The following PITRM1 variants were observed in gnomAD, a reference collection of about 807,000 sequenced individuals.
PITRM1 encodes presequence protease, mitochondrial.
In PITRM1, 100 loss-of-function variants were observed where a neutral mutation model predicts 129.9. The observed-to-expected ratio is 0.77, with a 90% CI of 0.65 to 0.91. The LOEUF (loss-of-function observed/expected upper bound fraction) is 0.91. Among genes scored for constraint, PITRM1 ranks in the 40% least tolerant of loss-of-function variants. The probability of loss-of-function intolerance (pLI) is 0.00; values close to 1 mark genes in which losing one functional copy is unlikely to be tolerated. For missense variants in PITRM1, 1,471 were observed against 1,318.3 expected, an observed-to-expected ratio of 1.12 and a Z score of -1.79; for synonymous variants, 591 against 508.8, an observed-to-expected ratio of 1.16 and a Z score of -2.17.
At chr10:3,172,667 T>C (rs979800624) in intron 1 of PITRM1, 50 bp downstream of exon 1, 1 of 1,503,798 alleles carries the variant, frequency 6.6e-7, no homozygotes, top group South Asian at 1.3e-5. Flanking sequence ...CCCTGGACCC[T>C]CCCCTCCCGG....
chr10:3,138,603 CAG>C (rs1839841847), intron 25 of PITRM1: 15 of 603,842 alleles, frequency 2.5e-5, no homozygotes, highest in South Asian at 2.4e-4. Flanking sequence ...AAAGCGGCTC[CAG>C]AGAGTAACGT....
Position 3,151,229 on chromosome 10 carries a change from C to T in PITRM1, c.1738+18G>A, listed in dbSNP as rs372017792. 57 of 1,355,580 alleles carry T rather than the reference C, an allele frequency of 4.2e-5. No individual in the cohort carries two copies. The highest frequency in any genetic ancestry group is 3.6e-4 in the Middle Eastern group (2 of 5,606). The allele number at this position is 1,355,580 out of a possible 1,614,324, so 84.0% of individuals were successfully genotyped here. On this transcript the variant is annotated intron_variant, in intron 15 of 26. Coordinates refer to ENST00000224949, the MANE Select transcript of PITRM1 (RefSeq NM_014889.4). ...CAAGGAACCCGAGACCCGGGAAAAGCGTAGCGTTCACAGTGACCTGTCAGG... is the reference window on the plus strand; with the variant it reads ...CAAGGAACCCGAGACCCGGGAAAAGTGTAGCGTTCACAGTGACCTGTCAGG...
chr10:3,158,260 C>A (rs1662448488), intron 10 of PITRM1, 107 bp from the exon 11 acceptor site: 2 of 680,018 alleles, frequency 2.9e-6, no homozygotes, highest in African/African-American at 1.8e-5. Flanking sequence ...AACTCCAGCC[C>A]CTCCACTGAA....
Position 3,138,121 on chromosome 10 carries a change from G to T in PITRM1, c.3024C>A (p.Tyr1008Ter), listed in dbSNP as rs371398920. 6.2e-7 allele frequency: 1 copy of T among 1,607,864 alleles called. No homozygotes were observed. Among genetic ancestry groups the T allele is most frequent in the Non-Finnish European group, 8.5e-7 (1 of 1,176,298 alleles). ...CGTGTGTGCTCTTCCCAGTGCCGAG[G>T]TATCTGAGAGGAAGGCAGGCGTGGT... ...HDKLLAVSDR[Y>*]LGTGKSTHGL... Residue 1008 changes from tyrosine to a stop codon, truncating the protein, a stop_gained, in exon 27 of 27, where the codon TAC becomes TAA. Transcript: ENST00000224949. LOFTEE classifies it low-confidence loss of function (END_TRUNC).
intron 14 of PITRM1, among the ~76,000 whole-genome samples, chr10:3,153,630 C>G (rs1841713718): frequency 6.6e-6 from 1 of 151,296 alleles, no homozygotes; most frequent in African/African-American, 2.4e-5. Flanking sequence ...AAAAAAAAAC[C>G]AAAAAAACAA....
intron 14 of PITRM1, among the ~76,000 whole-genome samples, chr10:3,154,479 T>G (rs1194356305): frequency 6.6e-6 from 1 of 152,192 alleles, no homozygotes; most frequent in Non-Finnish European, 1.5e-5. Flanking sequence ...CAGTAATTTT[T>G]AAAATGTTAG....
rs377628118 is a variant in PITRM1, at chr10:3,170,127, T to C, written c.136A>G (p.Ile46Val). 6.2e-7 allele frequency: 1 copy of C among 1,613,696 alleles called. No homozygotes were observed. Residue 46 changes from isoleucine to valine, a missense_variant, in exon 2 of 27, where the codon ATC (isoleucine) becomes GTC (valine). Ile to Val is a conservative substitution (Grantham distance 29). Coordinates refer to ENST00000224949, the MANE Select transcript of PITRM1 (RefSeq NM_014889.4). ...RALQYKLGDK[I>V]HGFTVNQVTS... ...ACCTGGTTTACGGTGAATCCATGGA[T>C]CTTGTCTCCTAGTTTATACTGCAGA...
chr10:3,138,766 G>A, intron 25 of PITRM1, 138 bp downstream of exon 25: 1 of 851,874 alleles, frequency 1.2e-6, no homozygotes, highest in Non-Finnish European at 2.1e-6. Context: ...TAGGGTGTCA[G>A]ACGTGGAAAT....
At chr10:3,172,786 C>T (rs1295049870), upstream of PITRM1, 6 of 1,524,202 alleles carry the variant, frequency 3.9e-6, no homozygotes, top group Admixed American at 2.1e-5. Flanking sequence ...GCATGACGAG[C>T]ACCTGGCTGG....
chr10:3,138,980 G>C lies in PITRM1; in HGVS notation c.2841C>G (p.Phe947Leu), dbSNP rs1419880936. The C allele has an allele frequency of 6.2e-7, 1 of 1,613,816 alleles. No homozygotes were observed. The highest frequency in any genetic ancestry group is 8.5e-7 in the Non-Finnish European group (1 of 1,179,708). ...KAVDWAKSGK[F>L]TQQDIDEAKL... ...TGGCTTCGTCGATGTCTTGCTGTGT[G>C]AATTTTCCAGACTTAGCCCAGTCGA... is the stretch of plus-strand genomic sequence containing the variant. The change falls in exon 25 of 27, where the codon TTC becomes TTG. Residue 947 changes from phenylalanine to leucine, a missense_variant. Physicochemically the swap from Phe to Leu is conservative, Grantham distance 22 (BLOSUM62 0). Coordinates refer to ENST00000224949, the MANE Select transcript of PITRM1 (RefSeq NM_014889.4).
At chr10:3,156,184 G>A (rs4242745) in intron 13 of PITRM1, among the ~76,000 whole-genome samples, 99,075 of 152,076 alleles carry the variant, frequency 0.65, 32,484 homozygotes, top group Non-Finnish European at 0.7. Context: ...TCAATACTTC[G>A]TAAGTTATTA....
intron 9 of PITRM1, among the ~76,000 whole-genome samples, chr10:3,159,453 G>C (rs1441272162): frequency 1.3e-5 from 2 of 152,272 alleles, no homozygotes; most frequent in South Asian, 2.1e-4. Context: ...ACCTAGTCTC[G>C]TGAAACCACC....
chr10:3,143,224 T>C, intron 23 of PITRM1, 165 bp downstream of exon 23: 1 of 602,396 alleles, frequency 1.7e-6, no homozygotes, highest in East Asian at 2.8e-5. Context: ...TCACAAAGAC[T>C]GCTGGTTAAA....
In PITRM1 at chr10:3,139,132, A is replaced by G. The variant is rs193077209; in HGVS notation, c.2772-83T>C. ...AAACCTCTGTCGACTTAACAGTTCA[A>G]CATCTTCTATGGGTTAACAGCTCTA... On this transcript the variant is annotated intron_variant, in intron 24 of 26. Coordinates refer to ENST00000224949, the MANE Select transcript of PITRM1 (RefSeq NM_014889.4). The G allele has an allele frequency of 5.3e-4, 631 of 1,201,772 alleles. 7 individuals are homozygous for G. The Admixed American group carries it at 0.011, about 20-fold the overall frequency. 74.4% of individuals were successfully genotyped at this position (1,201,772 alleles called of 1,614,324 possible).
At chr10:3,139,381 CAAAG>C (rs1032935255) in intron 24 of PITRM1, among the ~76,000 whole-genome samples, 6 of 152,218 alleles carry the variant, frequency 3.9e-5, no homozygotes, top group Non-Finnish European at 5.9e-5. Flanking sequence ...AGGGAAATTA[CAAAG>C]ACTTACATGG....
chr10:3,161,478 A>C (rs1012017665), intron 7 of PITRM1, among the ~76,000 whole-genome samples: 17 of 152,214 alleles, frequency 1.1e-4, no homozygotes, highest in African/African-American at 3.9e-4. Context: ...GAACCTTCAG[A>C]AATTTCTCAC....
chr10:3,151,250 T>C lies in PITRM1; in HGVS notation c.1735A>G (p.Thr579Ala), dbSNP rs561187599. ...IPVTELDVVL[T>A]AGDIPVQYCA... is the part of the protein sequence containing the mutation. ...AAAGCGTAGCGTTCACAGTGACCTG[T>C]CAGGACCACGTCCAACTCTGTGACA... Residue 579 changes from threonine to alanine, a missense_variant, in exon 15 of 27, where the codon ACA (threonine) becomes GCA (alanine). Physicochemically the swap from Thr to Ala is moderately conservative, Grantham distance 58. Transcript: ENST00000224949. The C allele has an allele frequency of 1.9e-6, 3 of 1,576,066 alleles. No homozygotes were observed. In the South Asian group the frequency reaches 3.4e-5, roughly 18 times the overall value.
intron 14 of PITRM1, among the ~76,000 whole-genome samples, chr10:3,154,324 G>A (rs766290115): frequency 4.6e-5 from 7 of 152,202 alleles, no homozygotes; most frequent in African/African-American, 1.7e-4. Flanking sequence ...AGGAACGTTA[G>A]GAGCGGGGCT....
chr10:3,170,177 T>C lies in PITRM1; in HGVS notation c.86A>G (p.Asn29Ser). 6.2e-7 allele frequency: 1 copy of C among 1,613,982 alleles called. No individual in the cohort carries two copies. The highest frequency in any genetic ancestry group is 8.5e-7 in the Non-Finnish European group (1 of 1,179,844). The change falls in exon 2 of 27, where the codon AAC (asparagine) becomes AGC (serine). Residue 29 changes from asparagine (N) to serine (S), a missense_variant. Transcript: ENST00000224949. The stretch of plus-strand genomic sequence containing the variant: ...AGCCCTCTCACAAGCCCGGTTACTG[T>C]TCCATCGCCACGCTCTGTGGTGTGC... ...GHAHHRAWRWNSNRACERALQ... is the reference protein window; with the variant it reads ...GHAHHRAWRWSSNRACERALQ...
Sources: allele counts gnomAD v4.1 joint callset (sites outside exome capture counted in the v4.1 genomes callset), GRCh38; gene constraint gnomAD v4.1.1; transcripts MANE v1.5; gene names NCBI Gene and HGNC (gene_info 2026-07-23, HGNC 2026-07-21).